The following DOK6 variants were observed in gnomAD, a reference collection of about 807,000 sequenced individuals.
DOK6 encodes docking protein 6.
A neutral mutation model predicts 44.0 loss-of-function variants in DOK6; 22 were observed. That is an observed-to-expected ratio of 0.50 (90% CI 0.36 to 0.71). DOK6 has a LOEUF of 0.71. Among genes scored for constraint, DOK6 ranks in the 30% least tolerant of loss-of-function variants. DOK6 has a pLI of 0.00. For synonymous variants in DOK6, 166 were observed against 145.5 expected, an observed-to-expected ratio of 1.14 and a Z score of -1.01; for missense variants, 340 against 416.4, an observed-to-expected ratio of 0.82 and a Z score of 1.60.
chr18:69,728,142 T>C (rs762377955), intron 5 of DOK6, among the ~76,000 whole-genome samples: 12 of 152,200 alleles, frequency 7.9e-5, no homozygotes, highest in Non-Finnish European at 1.5e-4. Context: ...GCTCTTTGAC[T>C]CCAGTCCTCC....
At chr18:69,561,287 T>C (rs1048230348) in intron 1 of DOK6, among the ~76,000 whole-genome samples, 1 of 147,346 alleles carries the variant, frequency 6.8e-6, no homozygotes, top group Non-Finnish European at 1.5e-5. Flanking sequence ...ATTCCAGAGC[T>C]CTATTAAGTT....
chr18:69,506,175 AGT>A (rs1981181089), intron 1 of DOK6, among the ~76,000 whole-genome samples: 1 of 152,158 alleles, frequency 6.6e-6, no homozygotes, highest in Admixed American at 6.5e-5. Flanking sequence ...AATAGATGGA[AGT>A]TATAAAGACT....
At chr18:69,746,876 G>A (rs1773211036) in intron 6 of DOK6, among the ~76,000 whole-genome samples, 1 of 152,152 alleles carries the variant, frequency 6.6e-6, no homozygotes, top group African/African-American at 2.4e-5. Context: ...TTCCTGCTCT[G>A]GTTTTGTGAA....
intron 1 of DOK6, among the ~76,000 whole-genome samples, chr18:69,448,053 T>A (rs999875498): frequency 6.6e-6 from 1 of 152,196 alleles, no homozygotes; most frequent in African/African-American, 2.4e-5. Context: ...GCATTGCTCA[T>A]TTTGGCACTA....
chr18:69,474,587 T>G (rs568832633), intron 1 of DOK6, among the ~76,000 whole-genome samples: 211 of 152,336 alleles, frequency 1.4e-3, no homozygotes, highest in African/African-American at 5.0e-3. Flanking sequence ...AAAGGCCCAT[T>G]CATTGAAAAA....
intron 7 of DOK6, among the ~76,000 whole-genome samples, chr18:69,840,207 T>C (rs1159500278): frequency 6.6e-6 from 1 of 152,218 alleles, no homozygotes; most frequent in Non-Finnish European, 1.5e-5. Context: ...TAACAGATTG[T>C]CTTCTCTGTG....
chr18:69,840,991 A>C (rs1982200424), intron 7 of DOK6, among the ~76,000 whole-genome samples: 1 of 152,226 alleles, frequency 6.6e-6, no homozygotes, highest in Non-Finnish European at 1.5e-5. Flanking sequence ...TCTGGCATCC[A>C]GAATTTTTGG....
At chr18:69,530,695 A>G (rs931692906) in intron 1 of DOK6, among the ~76,000 whole-genome samples, 2 of 152,196 alleles carry the variant, frequency 1.3e-5, no homozygotes, top group African/African-American at 2.4e-5. Flanking sequence ...TATGTGGTCA[A>G]TTTTGGAATA....
intron 3 of DOK6, chr18:69,662,372 T>A (rs1985551893): frequency 6.6e-6 from 1 of 152,228 alleles, no homozygotes; most frequent in Non-Finnish European, 1.5e-5. Flanking sequence ...GGATGTGTAC[T>A]TATCACAGCT....
At chr18:69,561,677 G>A (rs1982835812) in intron 1 of DOK6, among the ~76,000 whole-genome samples, 1 of 152,052 alleles carries the variant, frequency 6.6e-6, no homozygotes, top group Non-Finnish European at 1.5e-5. Flanking sequence ...GCAGAGGAGA[G>A]GCATGTTCAT....
intron 1 of DOK6, among the ~76,000 whole-genome samples, chr18:69,465,768 C>T (rs1043377905): frequency 2.0e-5 from 3 of 152,052 alleles, no homozygotes; most frequent in East Asian, 1.9e-4. Flanking sequence ...AATAAACATA[C>T]GTGTGCATGT....
Position 69,698,559 on chromosome 18 carries a change from C to A in DOK6, c.565C>A (p.Arg189=). ...WPLSSLRRYG[R]DSTWFTFESG... ...TCTCAGCTCACTGAGGAGATACGGT[C>A]GGGACTCAACGTGGTTCACGTTTGA... The change falls in exon 5 of 8, where the codon CGG becomes AGG. Residue 189 remains arginine, a synonymous_variant. Transcript: ENST00000382713. The A allele has an allele frequency of 1.2e-6, 2 of 1,613,836 alleles. No individual in the cohort carries two copies. Among genetic ancestry groups the A allele is most frequent in the South Asian group, 2.2e-5 (2 of 91,020 alleles).
chr18:69,697,210 C>A (rs4480899), intron 4 of DOK6, among the ~76,000 whole-genome samples: 17,704 of 151,898 alleles, frequency 0.12, 1,266 homozygotes, highest in South Asian at 0.23. Context: ...ACAATTTCAG[C>A]TCAGTACCAG....
chr18:69,642,603 T>G (rs1284960497), intron 3 of DOK6, among the ~76,000 whole-genome samples: 2 of 152,236 alleles, frequency 1.3e-5, no homozygotes, highest in African/African-American at 4.8e-5. Context: ...TTTTATTCTT[T>G]TTTTATTTCA....
At chr18:69,667,863 T>A (rs1232974279) in intron 3 of DOK6, among the ~76,000 whole-genome samples, 1 of 152,208 alleles carries the variant, frequency 6.6e-6, no homozygotes, top group Non-Finnish European at 1.5e-5. Flanking sequence ...ATCAATATAC[T>A]GTTGACTCCC....
At chr18:69,751,468 G>GA (rs1482275194) in intron 6 of DOK6, among the ~76,000 whole-genome samples, 2 of 152,088 alleles carry the variant, frequency 1.3e-5, no homozygotes, top group Non-Finnish European at 2.9e-5. Context: ...TTCATATCTT[G>GA]ATACAGTGGA....
At chr18:69,429,568 AAC>A (rs10546928) in intron 1 of DOK6, among the ~76,000 whole-genome samples, 41,169 of 144,656 alleles carry the variant, frequency 0.28, 6,247 homozygotes, top group East Asian at 0.44. Context: ...ATTTAATACA[AAC>A]AACATCTATA....
intron 1 of DOK6, among the ~76,000 whole-genome samples, chr18:69,408,984 C>T (rs1407964643): frequency 6.6e-6 from 1 of 152,016 alleles, no homozygotes; most frequent in Non-Finnish European, 1.5e-5. Context: ...TTGGCTGTGT[C>T]CCCACCGAAA....
intron 7 of DOK6, among the ~76,000 whole-genome samples, chr18:69,825,403 C>A (rs1232399649): frequency 1.3e-5 from 2 of 148,514 alleles, no homozygotes; most frequent in Non-Finnish European, 3.0e-5. Flanking sequence ...AAGAACATTG[C>A]AAACGGTTTA....
Sources: allele counts gnomAD v4.1 joint callset (sites outside exome capture counted in the v4.1 genomes callset), GRCh38; gene constraint gnomAD v4.1.1; transcripts MANE v1.5; gene names NCBI Gene and HGNC (gene_info 2026-07-23, HGNC 2026-07-21).